Variants in RHBDD1 observed in about 807,000 individuals in gnomAD.
RHBDD1 encodes the protein rhomboid-related protein 4.
Under a neutral mutation model 36.3 loss-of-function variants are expected in RHBDD1, and 38 were observed. The ratio of observed to expected loss-of-function variants is 1.05; its 90% CI spans 0.81 to 1.37. The LOEUF (loss-of-function observed/expected upper bound fraction) is 1.37, where lower values mean the gene tolerates loss of function less well. Among genes scored for constraint, RHBDD1 ranks in the 40% most tolerant of loss-of-function variants. The pLI, the probability that RHBDD1 is intolerant of heterozygous loss-of-function variation, is 0.00. For synonymous variants in RHBDD1, 151 were observed against 136.5 expected (o/e 1.11, Z -0.74); for missense variants, 393 against 377.6 (o/e 1.04, Z -0.34).
At chr2:226,866,933 A>G (rs959803346) in intron 4 of RHBDD1, among the ~76,000 whole-genome samples, 98 of 152,294 alleles carry the variant, frequency 6.4e-4, no homozygotes, top group African/African-American at 2.2e-3. Context: ...TTTTATTCAC[A>G]TGGTAGGTAT....
chr2:226,896,915 G>A (rs1947144145), intron 5 of RHBDD1, among the ~76,000 whole-genome samples: 1 of 151,984 alleles, frequency 6.6e-6, no homozygotes, highest in Admixed American at 6.6e-5. Context: ...TGATTCTCCT[G>A]CCTCAGCTTC....
chr2:226,910,054 T>C (rs983335825), intron 7 of RHBDD1, among the ~76,000 whole-genome samples: 8 of 152,224 alleles, frequency 5.3e-5, no homozygotes, highest in Non-Finnish European at 1.0e-4. Flanking sequence ...TGTGTTCCAA[T>C]AGAATCTTAT....
intron 5 of RHBDD1, among the ~76,000 whole-genome samples, chr2:226,883,274 T>C (rs1945924356): frequency 6.6e-6 from 1 of 152,272 alleles, no homozygotes; most frequent in Non-Finnish European, 1.5e-5. Context: ...TTTAGGTGCA[T>C]GAACATATAT....
At chr2:226,920,843 G>C (rs563404407) in intron 8 of RHBDD1, among the ~76,000 whole-genome samples, 2 of 152,088 alleles carry the variant, frequency 1.3e-5, no homozygotes, top group Non-Finnish European at 2.9e-5. Flanking sequence ...TCTTTGTCTG[G>C]TTTTGGTATC....
At chr2:226,848,763 G>A (rs1942490381) in intron 3 of RHBDD1, among the ~76,000 whole-genome samples, 1 of 152,150 alleles carries the variant, frequency 6.6e-6, no homozygotes, top group Non-Finnish European at 1.5e-5. Flanking sequence ...AGACAAACCA[G>A]ACCAGAATTT....
chr2:226,971,373 T>C (rs1953461895), intron 8 of RHBDD1, among the ~76,000 whole-genome samples: 1 of 152,212 alleles, frequency 6.6e-6, no homozygotes, highest in Admixed American at 6.5e-5. Context: ...CTTAGCGGGC[T>C]CATTTCCTTT....
the RHBDD1 span, among the ~76,000 whole-genome samples, chr2:226,829,606 C>T: frequency 3.9e-5 from 6 of 152,110 alleles, no homozygotes; most frequent in African/African-American, 1.4e-4. Context: ...TTTATTCTTT[C>T]GATGCTACCT....
At chr2:226,931,534 ATTGGATACAATGTACACTACT>A (rs1260247782) in intron 8 of RHBDD1, among the ~76,000 whole-genome samples, 1 of 152,058 alleles carries the variant, frequency 6.6e-6, no homozygotes, top group African/African-American at 2.4e-5. Context: ...AAGCCTACAT[ATTGGATACAATGTACACTACT>A]TGGGTGATGA....
At position 226,839,481 on chromosome 2, in the gene RHBDD1, G is replaced by A. The variant is rs1941375759; in HGVS notation, c.-237G>A. On this transcript the variant is annotated 5_prime_UTR_variant, in exon 3 of 9. Transcript: ENST00000392062. ...GCTTTAAGAACAGTGAGGTTGAAGG[G>A]CACAGGCTCTTGGTCCTTGGCAGCG... 6.6e-6 allele frequency: 1 copy of A among 152,106 alleles called. No individual in the cohort carries two copies. 9.4% of individuals were successfully genotyped at this position (152,106 alleles called of 1,614,324 possible). A position where few individuals can be genotyped will look rare whatever the true frequency, so the allele number is the denominator to read the frequency against.
chr2:226,824,504 T>C, the RHBDD1 span, among the ~76,000 whole-genome samples: 2 of 152,196 alleles, frequency 1.3e-5, no homozygotes, highest in African/African-American at 4.8e-5. Context: ...TTAAGTCAGT[T>C]GTGTTACATT....
chr2:226,836,441 C>T (rs980977157), intron 1 of RHBDD1, among the ~76,000 whole-genome samples: 1 of 152,194 alleles, frequency 6.6e-6, no homozygotes, highest in Non-Finnish European at 1.5e-5. Flanking sequence ...TTTGAAGTGA[C>T]GTTGCATCAG....
chr2:226,823,121 C>T, the RHBDD1 span, among the ~76,000 whole-genome samples: 724 of 152,188 alleles, frequency 4.8e-3, 5 homozygotes, highest in African/African-American at 0.016. Context: ...AATGAGATTA[C>T]GTCTCAAAAT....
rs1944415809 is a variant in RHBDD1, at chr2:226,867,222, A to G, written c.470A>G (p.Tyr157Cys). ...LFALKVLNNH[Y>C]CPGGFVNILG... Reference sequence around the variant, plus strand: ...GCTTTGAAAGTTCTTAACAACCATTATTGCCCTGGAGGCTTTGTCAACATT... The same window carrying G: ...GCTTTGAAAGTTCTTAACAACCATTGTTGCCCTGGAGGCTTTGTCAACATT... Residue 157 changes from tyrosine to cysteine, a missense_variant, in exon 5 of 9, where the codon TAT becomes TGT. Transcript: ENST00000392062. 6.2e-7 allele frequency: 1 copy of G among 1,612,638 alleles called. No homozygotes were observed. Among genetic ancestry groups the G allele is most frequent in the South Asian group, 1.1e-5 (1 of 90,714 alleles).
chr2:226,855,312 A>G (rs910744701), intron 3 of RHBDD1, among the ~76,000 whole-genome samples: 3 of 152,230 alleles, frequency 2.0e-5, no homozygotes, highest in Non-Finnish European at 4.4e-5. Flanking sequence ...GCTCAAGAGC[A>G]GCCTGGACAA....
At chr2:226,924,856 A>T (rs566609468) in intron 8 of RHBDD1, among the ~76,000 whole-genome samples, 1 of 152,208 alleles carries the variant, frequency 6.6e-6, no homozygotes, top group African/African-American at 2.4e-5. Flanking sequence ...TTCTCTGTCT[A>T]TGCTACCAGG....
chr2:226,848,138 G>A (rs1350467106), intron 3 of RHBDD1, among the ~76,000 whole-genome samples: 1 of 151,916 alleles, frequency 6.6e-6, no homozygotes, highest in Non-Finnish European at 1.5e-5. Flanking sequence ...TTTAAGCTGT[G>A]ACTGTGATAA....
intron 8 of RHBDD1, among the ~76,000 whole-genome samples, chr2:226,927,043 A>G (rs1240366438): frequency 6.6e-6 from 1 of 152,122 alleles, no homozygotes; most frequent in Non-Finnish European, 1.5e-5. Context: ...TATCATAACA[A>G]TCTAGATACA....
intron 8 of RHBDD1, among the ~76,000 whole-genome samples, chr2:226,981,808 A>G (rs4461255): frequency 0.43 from 65,669 of 152,038 alleles, 14,282 homozygotes; most frequent in South Asian, 0.52. Context: ...TCTGACCCAC[A>G]TAAGAATTTC....
chr2:226,939,132 A>G (rs1950519349), intron 8 of RHBDD1, among the ~76,000 whole-genome samples: 2 of 152,182 alleles, frequency 1.3e-5, no homozygotes, highest in Non-Finnish European at 2.9e-5. Context: ...CATACCTCCA[A>G]ATAATAAGAG....
Sources: gnomAD v4.1 joint callset for allele counts (sites outside exome capture counted in the v4.1 genomes callset) on GRCh38, gnomAD v4.1.1 for gene constraint, MANE v1.5 for transcripts, NCBI Gene and HGNC (gene_info 2026-07-23, HGNC 2026-07-21) for gene names.